SVOP: variants seen among roughly 807,000 people sequenced by gnomAD.
The protein encoded by SVOP is synaptic vesicle 2-related protein.
In SVOP, 17 loss-of-function variants were observed where a neutral mutation model predicts 69.1. That is an observed-to-expected ratio of 0.25 (90% CI 0.17 to 0.37). SVOP has a LOEUF of 0.37. Ranked by LOEUF, SVOP falls within the 10% of genes least tolerant of loss-of-function variation. The pLI is 1.00. For missense variants in SVOP, 435 were observed against 597.5 expected, an observed-to-expected ratio of 0.73 and a Z score of 2.84; for synonymous variants, 238 against 238.6, an observed-to-expected ratio of 1.00 and a Z score of 0.02.
intron 6 of SVOP, among the ~76,000 whole-genome samples, chr12:108,955,600 T>A (rs545717721): frequency 6.6e-6 from 1 of 152,318 alleles, no homozygotes; most frequent in South Asian, 2.1e-4. Flanking sequence ...GCCTCCCAAG[T>A]GGCAGGAGGA....
At chr12:108,981,767 T>C (rs1467726291) in intron 2 of SVOP, among the ~76,000 whole-genome samples, 6 of 152,160 alleles carry the variant, frequency 3.9e-5, no homozygotes, top group African/African-American at 1.4e-4. Flanking sequence ...TGGCACATAA[T>C]AAATCCTCAG....
intron 11 of SVOP, among the ~76,000 whole-genome samples, chr12:108,930,747 T>C (rs1268004167): frequency 1.3e-5 from 2 of 152,196 alleles, no homozygotes; most frequent in African/African-American, 4.8e-5. Flanking sequence ...TGACTGCTTT[T>C]GAGTGGCGGA....
intron 4 of SVOP, among the ~76,000 whole-genome samples, chr12:108,976,533 A>T (rs950048231): frequency 2.0e-4 from 30 of 152,118 alleles, no homozygotes; most frequent in Non-Finnish European, 1.5e-5. Context: ...TTTGCACAGT[A>T]AATGCTCTGT....
At chr12:108,983,557 T>C (rs990229805) in intron 2 of SVOP, 44 bp downstream of exon 2, 29 of 398,764 alleles carry the variant, frequency 7.3e-5, no homozygotes, top group African/African-American at 4.9e-4. Context: ...TAGGCAACCT[T>C]GACCGTGGCC....
At chr12:108,981,878 C>A (rs2040136991) in intron 2 of SVOP, among the ~76,000 whole-genome samples, 2 of 152,054 alleles carry the variant, frequency 1.3e-5, no homozygotes, top group South Asian at 4.2e-4. Flanking sequence ...ACTGTCATCC[C>A]CACCATCAGC....
intron 2 of SVOP, among the ~76,000 whole-genome samples, chr12:108,983,190 T>C (rs1445440263): frequency 4.0e-5 from 6 of 151,546 alleles, no homozygotes; most frequent in Admixed American, 3.3e-4. Flanking sequence ...ATCTTTATCA[T>C]CACAGTCTTC....
intron 6 of SVOP, among the ~76,000 whole-genome samples, chr12:108,958,646 C>T (rs2039999145): frequency 6.6e-6 from 1 of 152,190 alleles, no homozygotes; most frequent in African/African-American, 2.4e-5. Context: ...TGATGTGCTA[C>T]TTGGTCTGCC....
intron 4 of SVOP, among the ~76,000 whole-genome samples, chr12:108,973,688 T>C (rs149106016): frequency 0.68 from 103,347 of 152,104 alleles, 35,548 homozygotes; most frequent in East Asian, 0.79. Flanking sequence ...CATGAGCCAC[T>C]ACACCTGGCC....
chr12:108,960,907 C>T lies in SVOP; in HGVS notation c.578+16G>A. 1 of 1,536,500 alleles carries T rather than the reference C, an allele frequency of 6.5e-7. No individual in the cohort carries two copies. The highest frequency in any genetic ancestry group is 8.7e-7 in the Non-Finnish European group (1 of 1,146,470). On this transcript the variant is annotated intron_variant, in intron 6 of 15. Coordinates refer to ENST00000610966, the MANE Select transcript of SVOP (RefSeq NM_018711.5). Reference sequence around the variant, plus strand: ...GGGCAGCCTGGCTGCATAGCCAGCACTGGGTATTTACTTACGACTGGGGAA... The same window carrying T: ...GGGCAGCCTGGCTGCATAGCCAGCATTGGGTATTTACTTACGACTGGGGAA...
intron 5 of SVOP, among the ~76,000 whole-genome samples, chr12:108,965,998 C>G (rs988199599): frequency 1.3e-5 from 2 of 148,732 alleles, no homozygotes; most frequent in African/African-American, 5.0e-5. Flanking sequence ...CCCTCCCTTC[C>G]TTCCTTTCCT....
At chr12:108,942,679 T>C (rs2039898982) in intron 7 of SVOP, among the ~76,000 whole-genome samples, 1 of 152,264 alleles carries the variant, frequency 6.6e-6, no homozygotes, top group Non-Finnish European at 1.5e-5. Flanking sequence ...TCTGGGCAGC[T>C]CATTAATCCC....
At chr12:108,947,446 T>C (rs1385471339) in intron 6 of SVOP, among the ~76,000 whole-genome samples, 1 of 152,248 alleles carries the variant, frequency 6.6e-6, no homozygotes, top group African/African-American at 2.4e-5. Context: ...TTCATACTGA[T>C]ACATTCCATT....
At chr12:108,917,614 G>C (rs956217212) in intron 14 of SVOP, among the ~76,000 whole-genome samples, 2 of 150,900 alleles carry the variant, frequency 1.3e-5, no homozygotes, top group Non-Finnish European at 2.9e-5. Flanking sequence ...TTAAAATCTT[G>C]TCCACATCAA....
intron 6 of SVOP, 142 bp downstream of exon 6, chr12:108,960,781 A>G (rs1168349241): frequency 4.2e-6 from 4 of 961,696 alleles, no homozygotes; most frequent in African/African-American, 1.6e-5. Context: ...GCTACACCAT[A>G]GCTCCTTGAT....
chr12:108,921,454 A>G (rs2039747887), intron 12 of SVOP, among the ~76,000 whole-genome samples: 2 of 152,142 alleles, frequency 1.3e-5, no homozygotes, highest in South Asian at 2.1e-4. Context: ...AGAGTGGGGA[A>G]GTAAATTTGG....
chr12:108,909,130 G>C lies in SVOP; in HGVS notation c.*3405C>G, dbSNP rs1371697549. ...GCCAACATGCAGAGGATGGTGAAAA[G>C]AAAAGGCAAAAAGAAGCTGGGTTCT... is the stretch of plus-strand genomic sequence containing the variant. On this transcript the variant is annotated 3_prime_UTR_variant, in exon 16 of 16. Coordinates refer to ENST00000610966, the MANE Select transcript of SVOP (RefSeq NM_018711.5). The C allele has an allele frequency of 6.6e-6, 1 of 152,194 alleles. No individual in the cohort carries two copies. The highest frequency in any genetic ancestry group is 1.5e-5 in the Non-Finnish European group (1 of 68,044). The allele number at this position is 152,194 out of a possible 1,614,324, so 9.4% of individuals were successfully genotyped here. A position where few individuals can be genotyped will look rare whatever the true frequency, so the allele number is the denominator to read the frequency against.
At chr12:108,952,365 G>A (rs993189366) in intron 6 of SVOP, among the ~76,000 whole-genome samples, 3 of 149,906 alleles carry the variant, frequency 2.0e-5, no homozygotes, top group African/African-American at 2.4e-5. Flanking sequence ...CTCCCAAGTA[G>A]CTAGGATTAC....
chr12:108,954,113 CA>C (rs760331681), intron 6 of SVOP, among the ~76,000 whole-genome samples: 4,949 of 61,942 alleles, frequency 0.08, 41 homozygotes, highest in Middle Eastern at 0.15. Flanking sequence ...GAATCTGTCT[CA>C]AAAAAAAAAA....
chr12:108,971,793 C>G (rs147630301), intron 5 of SVOP, among the ~76,000 whole-genome samples: 1,793 of 152,164 alleles, frequency 0.012, 26 homozygotes, highest in South Asian at 0.026. Flanking sequence ...TGGCTCATGT[C>G]TGTAATCCCA....
Sources: gnomAD v4.1 joint callset for allele counts (sites outside exome capture counted in the v4.1 genomes callset) on GRCh38, gnomAD v4.1.1 for gene constraint, MANE v1.5 for transcripts, NCBI Gene and HGNC (gene_info 2026-07-23, HGNC 2026-07-21) for gene names.